The following ZFAT variants were observed in gnomAD, a reference collection of about 807,000 sequenced individuals.
The protein encoded by ZFAT is zinc finger protein ZFAT.
In ZFAT, 64 loss-of-function variants were observed where a neutral mutation model predicts 117.7. That is an observed-to-expected ratio of 0.54 (90% confidence interval 0.44 to 0.67). ZFAT has a LOEUF of 0.67. ZFAT is among the 30% of genes least tolerant of loss of function. ZFAT has a pLI of 0.00. For synonymous variants in ZFAT, 679 were observed against 615.0 expected (o/e 1.10, Z -1.54); for missense variants, 1,433 against 1,584.5 (o/e 0.90, Z 1.62).
At chr8:134,668,175 C>T (rs1265546205) in intron 1 of ZFAT, among the ~76,000 whole-genome samples, 1 of 152,240 alleles carries the variant, frequency 6.6e-6, no homozygotes, top group African/African-American at 2.4e-5. Context: ...GACTCCACCT[C>T]TGGGGGCAGG....
chr8:134,610,359 G>T, intron 4 of ZFAT, 111 bp downstream of exon 4: 1 of 1,165,546 alleles, frequency 8.6e-7, no homozygotes, highest in Non-Finnish European at 1.2e-6. Context: ...TAAATGGAGA[G>T]CCCCACCAAT....
chr8:134,803,964 A>T, the ZFAT span, among the ~76,000 whole-genome samples: 35 of 152,338 alleles, frequency 2.3e-4, no homozygotes, highest in African/African-American at 3.6e-4. Context: ...TAAATGATTT[A>T]AAAAAACCAA....
At chr8:134,565,106 T>G in intron 11 of ZFAT, 1 of 1,503,830 alleles carries the variant, frequency 6.6e-7, no homozygotes, top group Non-Finnish European at 8.9e-7. Flanking sequence ...TGCATCCTCT[T>G]ACACATCTTT....
chr8:134,731,629 A>C, the ZFAT span, among the ~76,000 whole-genome samples: 2 of 152,246 alleles, frequency 1.3e-5, no homozygotes, highest in African/African-American at 4.8e-5. Context: ...AAATTCATTA[A>C]GGTGCACAGC....
At chr8:134,738,653 G>T in the ZFAT span, among the ~76,000 whole-genome samples, 1 of 152,086 alleles carries the variant, frequency 6.6e-6, no homozygotes, top group East Asian at 1.9e-4. Context: ...AGGGTGTGAG[G>T]TGTAGGGGGT....
the ZFAT span, among the ~76,000 whole-genome samples, chr8:134,736,599 C>T: frequency 3.3e-5 from 5 of 151,820 alleles, no homozygotes; most frequent in Middle Eastern, 0.01. Flanking sequence ...TCTCTCTCTC[C>T]CTCTCTCTCT....
intron 1 of ZFAT, among the ~76,000 whole-genome samples, chr8:134,659,817 G>A (rs545981397): frequency 6.6e-6 from 1 of 152,364 alleles, no homozygotes; most frequent in East Asian, 1.9e-4. Context: ...TGAAGGTGGA[G>A]CTCTTGGAAG....
chr8:134,662,249 C>T (rs1831970442), intron 1 of ZFAT, among the ~76,000 whole-genome samples: 1 of 152,142 alleles, frequency 6.6e-6, no homozygotes, highest in African/African-American at 2.4e-5. Flanking sequence ...ACCTGACCAC[C>T]TCCCAAAGGT....
chr8:134,613,450 G>A lies in ZFAT; in HGVS notation c.449-2795C>T, dbSNP rs377107360. On this transcript the variant is annotated intron_variant, in intron 3 of 15. Coordinates refer to ENST00000377838, the MANE Select transcript of ZFAT (RefSeq NM_020863.4). ...GTGGGTGAAGGTCTGGCGCCATGCC[G>A]TTTTAAAAGCCAATGGAGACCTGAG... is the stretch of plus-strand genomic sequence containing the variant. 1.1e-4 allele frequency among the ~76,000 whole-genome samples: 16 copies of A among 152,336 alleles called. No homozygotes were observed. In the East Asian group the frequency reaches 2.5e-3, roughly 24 times the overall value.
chr8:134,827,108 G>C, the ZFAT span, among the ~76,000 whole-genome samples: 1 of 152,126 alleles, frequency 6.6e-6, no homozygotes, highest in African/African-American at 2.4e-5. Flanking sequence ...CTGGAGTGTA[G>C]TGGCGTGATC....
Position 134,561,931 on chromosome 8 carries a change from T to C in ZFAT, c.2976+3402A>G, listed in dbSNP as rs1824082116. Among the ~76,000 whole-genome samples, 3 of 152,218 alleles carry C rather than the reference T, an allele frequency of 2.0e-5. No homozygotes were observed. In the South Asian group the frequency reaches 6.2e-4, roughly 31 times the overall value. On this transcript the variant is annotated intron_variant, in intron 11 of 15. Transcript: ENST00000377838. ...ATGGCCCTTAAAAAAGTCCATGTCCTAATCCCCGGAACCCGTAAATATGTT... is the reference window on the plus strand; with the variant it reads ...ATGGCCCTTAAAAAAGTCCATGTCCCAATCCCCGGAACCCGTAAATATGTT...
chr8:134,634,904 G>A (rs912522019), intron 3 of ZFAT, among the ~76,000 whole-genome samples: 2 of 152,158 alleles, frequency 1.3e-5, no homozygotes, highest in Non-Finnish European at 2.9e-5. Context: ...CAGATGGCGG[G>A]GTGGGGTGGT....
At chr8:134,804,499 T>C in the ZFAT span, among the ~76,000 whole-genome samples, 31 of 152,154 alleles carry the variant, frequency 2.0e-4, no homozygotes, top group African/African-American at 7.5e-4. Flanking sequence ...GTGATGAAAT[T>C]ATTCTCCAGA....
the ZFAT span, among the ~76,000 whole-genome samples, chr8:134,808,775 G>T: frequency 1.3e-5 from 2 of 152,300 alleles, no homozygotes; most frequent in East Asian, 3.9e-4. Context: ...TGAGAAGTAG[G>T]CAAGATGGGT....
At chr8:134,552,289 C>T (rs1055048661) in intron 11 of ZFAT, among the ~76,000 whole-genome samples, 1 of 152,148 alleles carries the variant, frequency 6.6e-6, no homozygotes, top group African/African-American at 2.4e-5. Flanking sequence ...ATTTCATATG[C>T]TTTGCATCAA....
Position 134,602,218 on chromosome 8 carries a change from G to A in ZFAT, c.1501C>T (p.Leu501=). 1 of 1,613,646 alleles carries A rather than the reference G, an allele frequency of 6.2e-7. No individual in the cohort carries two copies. Among genetic ancestry groups the A allele is most frequent in the Non-Finnish European group, 8.5e-7 (1 of 1,180,030 alleles). Residue 501 remains leucine (L), a synonymous_variant, in exon 6 of 16, where the codon CTG becomes TTG. Coordinates refer to ENST00000377838, the MANE Select transcript of ZFAT (RefSeq NM_020863.4). ...TSSINQSFCL[L]EPGGDIQQEA... ...TGCTGGATGTCCCCACCAGGTTCCA[G>A]GAGGCAGAAGCTCTGGTTGATGGAA...
intron 10 of ZFAT, among the ~76,000 whole-genome samples, chr8:134,573,997 A>AG (rs1281078586): frequency 1.3e-5 from 2 of 152,248 alleles, no homozygotes; most frequent in Non-Finnish European, 2.9e-5. Flanking sequence ...GAAAGGGAAG[A>AG]GGGGACTTGA....
chr8:134,578,473 G>A (rs573412271), intron 10 of ZFAT, among the ~76,000 whole-genome samples: 2 of 151,638 alleles, frequency 1.3e-5, no homozygotes, highest in Non-Finnish European at 2.9e-5. Context: ...AGCTGGGGGA[G>A]AGTAGGAGAA....
At chr8:134,592,453 C>T (rs1035005911) in intron 7 of ZFAT, among the ~76,000 whole-genome samples, 1 of 152,178 alleles carries the variant, frequency 6.6e-6, no homozygotes, top group African/African-American at 2.4e-5. Flanking sequence ...CCCCTGGGTT[C>T]AAATCTTGGT....
Sources: allele counts gnomAD v4.1 joint callset (sites outside exome capture counted in the v4.1 genomes callset), GRCh38; gene constraint gnomAD v4.1.1; transcripts MANE v1.5; gene names NCBI Gene and HGNC (gene_info 2026-07-23, HGNC 2026-07-21).